The following DPP6 variants were observed in gnomAD, a reference collection of about 807,000 sequenced individuals.
DPP6 encodes the protein A-type potassium channel modulatory protein DPP6.
A neutral mutation model predicts 122.6 loss-of-function variants in DPP6; 69 were observed. The observed-to-expected ratio is 0.56, with a 90% CI of 0.46 to 0.69. The LOEUF is 0.69. DPP6 is among the 30% of genes least tolerant of loss of function. The pLI is 0.00. For synonymous variants in DPP6, 418 were observed against 433.1 expected (o/e 0.97, Z 0.43); for missense variants, 928 against 1,116.9 (o/e 0.83, Z 2.41).
At chr7:154,547,108 C>T (rs1289102565) in intron 4 of DPP6, among the ~76,000 whole-genome samples, 3 of 152,204 alleles carry the variant, frequency 2.0e-5, no homozygotes, top group African/African-American at 7.2e-5. Flanking sequence ...AACAGGCTGG[C>T]CCCCGGGAAG....
chr7:154,355,673 G>A (rs1811217522), intron 1 of DPP6, among the ~76,000 whole-genome samples: 1 of 152,158 alleles, frequency 6.6e-6, no homozygotes, highest in African/African-American at 2.4e-5. Context: ...TCAGGTGACA[G>A]GTGGATCTAG....
At chr7:154,371,378 C>CAAAAAAAAAAAAAAAAAAAA (rs1167770083) in intron 1 of DPP6, among the ~76,000 whole-genome samples, 15 of 47,712 alleles carry the variant, frequency 3.1e-4, no homozygotes, top group Non-Finnish European at 4.3e-4. Context: ...AACTCTGTCT[C>CAAAAAAAAAAAAAAAAAAAA]AAAAAAAAAA....
chr7:154,381,159 G>C (rs768462352), intron 1 of DPP6, among the ~76,000 whole-genome samples: 3 of 152,090 alleles, frequency 2.0e-5, no homozygotes, highest in African/African-American at 7.2e-5. Flanking sequence ...GTGGGATCTC[G>C]TTGTACTTTC....
At chr7:154,742,087 A>G (rs912949289) in intron 8 of DPP6, among the ~76,000 whole-genome samples, 8 of 152,332 alleles carry the variant, frequency 5.3e-5, no homozygotes, top group African/African-American at 1.9e-4. Context: ...GGGTACCTGA[A>G]AAAGAGGAAG....
At chr7:153,990,846 A>C (rs1288635684) in intron 1 of DPP6, among the ~76,000 whole-genome samples, 1 of 152,078 alleles carries the variant, frequency 6.6e-6, no homozygotes, top group Non-Finnish European at 1.5e-5. Context: ...ATTGAGCTTT[A>C]GGAAGAGAAC....
At chr7:154,237,773 A>G (rs1039005780) in intron 1 of DPP6, among the ~76,000 whole-genome samples, 4 of 152,198 alleles carry the variant, frequency 2.6e-5, no homozygotes, top group Admixed American at 2.6e-4. Context: ...CTCACTAAAG[A>G]CAAATAGAAG....
At chr7:153,770,623 G>A in the DPP6 span, among the ~76,000 whole-genome samples, 2 of 152,122 alleles carry the variant, frequency 1.3e-5, no homozygotes, top group African/African-American at 2.4e-5. Flanking sequence ...AACAAATAAG[G>A]ATGAGGAATA....
chr7:154,629,644 TA>T (rs1373724217), intron 5 of DPP6, among the ~76,000 whole-genome samples: 1 of 152,192 alleles, frequency 6.6e-6, no homozygotes, highest in Non-Finnish European at 1.5e-5. Flanking sequence ...ATTGTAGGAT[TA>T]AATAAGGAAA....
At chr7:154,194,756 T>C (rs6955717) in intron 1 of DPP6, among the ~76,000 whole-genome samples, 30,458 of 152,218 alleles carry the variant, frequency 0.2, 3,622 homozygotes, top group East Asian at 0.38. Flanking sequence ...CGTGGACTTA[T>C]TCGTCTCTCC....
At chr7:154,186,024 A>T (rs10231046) in intron 1 of DPP6, among the ~76,000 whole-genome samples, 54,337 of 152,098 alleles carry the variant, frequency 0.36, 10,184 homozygotes, top group African/African-American at 0.47. Flanking sequence ...CTGCATTGGG[A>T]AAACCAGCCA....
At chr7:154,155,063 A>G (rs1294741826) in intron 1 of DPP6, among the ~76,000 whole-genome samples, 1 of 152,112 alleles carries the variant, frequency 6.6e-6, no homozygotes, top group East Asian at 1.9e-4. Context: ...TTGGTTTTCC[A>G]TAGGCAGGGC....
At chr7:154,778,910 C>T (rs1796779752) in intron 10 of DPP6, among the ~76,000 whole-genome samples, 2 of 150,590 alleles carry the variant, frequency 1.3e-5, no homozygotes, top group African/African-American at 4.9e-5. Flanking sequence ...TCACCACCAC[C>T]ACCTCTGTCA....
At chr7:154,746,743 A>G (rs1297445410) in intron 8 of DPP6, among the ~76,000 whole-genome samples, 5 of 152,228 alleles carry the variant, frequency 3.3e-5, no homozygotes, top group South Asian at 2.1e-4. Context: ...CACTATAAAA[A>G]GAAGCTGAGA....
chr7:154,687,807 TC>T (rs1298171767), intron 7 of DPP6, among the ~76,000 whole-genome samples: 1 of 152,244 alleles, frequency 6.6e-6, no homozygotes, highest in Non-Finnish European at 1.5e-5. Context: ...TTTACTTTCA[TC>T]TTTGACAATT....
chr7:154,768,534 C>T (rs1252957006), intron 8 of DPP6, among the ~76,000 whole-genome samples: 2 of 152,156 alleles, frequency 1.3e-5, no homozygotes, highest in Non-Finnish European at 2.9e-5. Flanking sequence ...CAGTACAAGA[C>T]AGAACCCCTT....
intron 1 of DPP6, among the ~76,000 whole-genome samples, chr7:154,259,651 AAGG>A (rs1802870188): frequency 6.6e-6 from 1 of 152,184 alleles, no homozygotes; most frequent in South Asian, 2.1e-4. Context: ...TGTCACTGCA[AAGG>A]AGGTGTTTTT....
chr7:154,402,261 C>T (rs1010605129), intron 1 of DPP6, among the ~76,000 whole-genome samples: 36 of 152,100 alleles, frequency 2.4e-4, no homozygotes, highest in South Asian at 4.2e-4. Context: ...TATACCCAGA[C>T]GACTATAAAT....
At chr7:154,585,103 G>A (rs548367962) in intron 5 of DPP6, among the ~76,000 whole-genome samples, 2 of 113,628 alleles carry the variant, frequency 1.8e-5, no homozygotes, top group Admixed American at 2.0e-4. Context: ...GTCCCTGGCA[G>A]CCACAGACCT....
At chr7:154,015,017 T>C (rs540583005) in intron 1 of DPP6, among the ~76,000 whole-genome samples, 1 of 152,320 alleles carries the variant, frequency 6.6e-6, no homozygotes, top group South Asian at 2.1e-4. Context: ...AAATGAATGC[T>C]GGAGAAACTG....
Sources: gnomAD v4.1 joint callset for allele counts (sites outside exome capture counted in the v4.1 genomes callset) on GRCh38, gnomAD v4.1.1 for gene constraint, MANE v1.5 for transcripts, NCBI Gene and HGNC (gene_info 2026-07-23, HGNC 2026-07-21) for gene names.